AP3B1: variants seen among roughly 807,000 people sequenced by gnomAD.
AP3B1 encodes adaptor related protein complex 3 subunit beta 1.
AP3B1 carries 61 observed loss-of-function variants against 132.5 expected under a neutral mutation model. That is an observed-to-expected ratio of 0.46 (90% confidence interval 0.37 to 0.57). AP3B1 has a LOEUF of 0.57. AP3B1 is among the 20% of genes least tolerant of loss of function. The pLI, the probability that AP3B1 is intolerant of heterozygous loss-of-function variation, is 0.00. For missense variants in AP3B1, 1,120 were observed against 1,289.4 expected, an observed-to-expected ratio of 0.87 and a Z score of 2.01; for synonymous variants, 388 against 438.3, an observed-to-expected ratio of 0.89 and a Z score of 1.43.
intron 7 of AP3B1, among the ~76,000 whole-genome samples, chr5:78,189,809 G>A (rs963214568): frequency 1.3e-5 from 2 of 151,422 alleles, no homozygotes; most frequent in Non-Finnish European, 2.9e-5. Flanking sequence ...CACAGAGGTT[G>A]CAGTGAGCCA....
At chr5:78,181,452 T>C in intron 8 of AP3B1, 55 bp downstream of exon 8, 3 of 1,541,344 alleles carry the variant, frequency 1.9e-6, no homozygotes, top group Non-Finnish European at 2.7e-6. Context: ...GAGATATTTT[T>C]AATTGCTGTT....
At chr5:78,024,978 C>T (rs889874723) in intron 24 of AP3B1, among the ~76,000 whole-genome samples, 3 of 151,356 alleles carry the variant, frequency 2.0e-5, no homozygotes, top group Non-Finnish European at 2.9e-5. Context: ...GGATTATAGG[C>T]ATGAGCCACT....
chr5:78,180,604 T>G (rs931256610), intron 8 of AP3B1, among the ~76,000 whole-genome samples: 6 of 151,860 alleles, frequency 4.0e-5, no homozygotes, highest in Admixed American at 3.3e-4. Context: ...TAATTTAAGA[T>G]CAATTGGTAT....
intron 1 of AP3B1, among the ~76,000 whole-genome samples, chr5:78,271,398 G>A (rs1045793680): frequency 1.3e-5 from 2 of 152,120 alleles, no homozygotes; most frequent in African/African-American, 4.8e-5. Context: ...TCCAGCCTGG[G>A]CAACAAGAGT....
At chr5:78,035,657 G>A (rs1160000069) in intron 23 of AP3B1, among the ~76,000 whole-genome samples, 1 of 152,020 alleles carries the variant, frequency 6.6e-6, no homozygotes, top group Non-Finnish European at 1.5e-5. Context: ...GGCAAAGGAA[G>A]TATGTTAAAA....
rs761881068 is a variant in AP3B1, at chr5:78,129,315, A to G, written c.1651-8T>C. On this transcript the variant is annotated splice_polypyrimidine_tract_variant and splice_region_variant and intron_variant, in intron 15 of 26. Transcript: ENST00000255194. ...CTGGGTAAGCAATTTTGTCTGTTGGAAAAAAACAGATCAAGATGAGAATAC... is the reference window on the plus strand; with the variant it reads ...CTGGGTAAGCAATTTTGTCTGTTGGGAAAAAACAGATCAAGATGAGAATAC... 36 of 1,595,192 alleles carry G rather than the reference A, an allele frequency of 2.3e-5. 1 individual carries two copies.
chr5:78,118,645 C>G (rs183360877), intron 17 of AP3B1, among the ~76,000 whole-genome samples: 2 of 152,204 alleles, frequency 1.3e-5, no homozygotes, highest in African/African-American at 4.8e-5. Context: ...TGCCATTGCC[C>G]AGGCTTGATT....
chr5:78,120,774 A>G (rs2112279640), intron 17 of AP3B1, among the ~76,000 whole-genome samples: 1 of 152,214 alleles, frequency 6.6e-6, no homozygotes, highest in South Asian at 2.1e-4. Context: ...GTCAACATTA[A>G]ACAGATCAAC....
intron 24 of AP3B1, among the ~76,000 whole-genome samples, 186 bp from the exon 25 acceptor site, chr5:78,020,975 C>T (rs1747067168): frequency 6.6e-6 from 1 of 151,860 alleles, no homozygotes. Flanking sequence ...CAGAAAAATA[C>T]ATCTGTTATC....
At chr5:78,144,360 ACAG>A (rs1753291105) in intron 14 of AP3B1, among the ~76,000 whole-genome samples, 1 of 152,224 alleles carries the variant, frequency 6.6e-6, no homozygotes, top group Non-Finnish European at 1.5e-5. Flanking sequence ...CTAGCTCACC[ACAG>A]CAGCTATAGA....
At chr5:78,221,444 T>C (rs914104770) in intron 6 of AP3B1, among the ~76,000 whole-genome samples, 2 of 151,986 alleles carry the variant, frequency 1.3e-5, no homozygotes, top group Non-Finnish European at 2.9e-5. Flanking sequence ...GAAATATAAA[T>C]ATAAATTATA....
At chr5:78,046,869 A>G (rs1208859941) in intron 22 of AP3B1, among the ~76,000 whole-genome samples, 1 of 151,772 alleles carries the variant, frequency 6.6e-6, no homozygotes, top group African/African-American at 2.4e-5. Context: ...CCAACCCCCA[A>G]CAGGCCCTGG....
chr5:78,020,826 T>C lies in AP3B1; in HGVS notation c.2895-37A>G, dbSNP rs745672418. 26 of 1,483,598 alleles carry C rather than the reference T, an allele frequency of 1.8e-5. 1 individual carries two copies. The South Asian group carries it at 2.8e-4, about 16-fold the overall frequency. 91.9% of individuals were successfully genotyped at this position (1,483,598 alleles called of 1,614,324 possible). ...CAATCAAAGCTGACTAAATGCTTCATAAATAAACATTCTTAATACTAAGTA... is the reference window on the plus strand; with the variant it reads ...CAATCAAAGCTGACTAAATGCTTCACAAATAAACATTCTTAATACTAAGTA... On this transcript the variant is annotated intron_variant, in intron 24 of 26. Transcript: ENST00000255194.
chr5:78,043,855 C>A (rs943040467), intron 22 of AP3B1: 19 of 363,584 alleles, frequency 5.2e-5, no homozygotes, highest in Admixed American at 3.1e-4. Context: ...TTGGTAGACA[C>A]AGGCATTGAC....
At chr5:78,023,291 G>C (rs1272012260) in intron 24 of AP3B1, among the ~76,000 whole-genome samples, 2 of 152,118 alleles carry the variant, frequency 1.3e-5, no homozygotes, top group East Asian at 3.8e-4. Flanking sequence ...TCTGGAGAGA[G>C]ACTAGCTGGG....
At chr5:78,224,208 T>C (rs553098060) in intron 6 of AP3B1, among the ~76,000 whole-genome samples, 4 of 152,266 alleles carry the variant, frequency 2.6e-5, no homozygotes, top group African/African-American at 9.6e-5. Flanking sequence ...AATCAATCTA[T>C]ATTTAGTTAC....
chr5:78,121,530 AG>A (rs1183868419), intron 17 of AP3B1, among the ~76,000 whole-genome samples: 3 of 152,272 alleles, frequency 2.0e-5, no homozygotes, highest in Admixed American at 2.0e-4. Context: ...CTGATCCCAC[AG>A]AAATACAAAC....
chr5:78,212,453 T>A (rs377000988), intron 7 of AP3B1, among the ~76,000 whole-genome samples: 1 of 152,230 alleles, frequency 6.6e-6, no homozygotes, highest in Non-Finnish European at 1.5e-5. Flanking sequence ...TTAACTTTTA[T>A]GTCGATACAT....
chr5:78,090,113 A>G (rs566788688), intron 21 of AP3B1, among the ~76,000 whole-genome samples: 8 of 152,186 alleles, frequency 5.3e-5, no homozygotes, highest in Non-Finnish European at 7.3e-5. Context: ...TCAAAGGCTC[A>G]TAACTGCCTA....
Sources: gnomAD v4.1 joint callset for allele counts (sites outside exome capture counted in the v4.1 genomes callset) on GRCh38, gnomAD v4.1.1 for gene constraint, MANE v1.5 for transcripts, NCBI Gene and HGNC (gene_info 2026-07-23, HGNC 2026-07-21) for gene names.